Variants in TANGO2 observed in about 807,000 individuals in gnomAD.
The protein encoded by TANGO2 is transport and Golgi organization protein 2 homolog.
A neutral mutation model predicts 39.1 loss-of-function variants in TANGO2; 26 were observed. The ratio of observed to expected loss-of-function variants is 0.67; its 90% CI spans 0.49 to 0.92. The LOEUF (loss-of-function observed/expected upper bound fraction) is 0.92. Among genes scored for constraint, TANGO2 ranks in the 40% least tolerant of loss-of-function variants. TANGO2 has a pLI of 0.00. For synonymous variants in TANGO2, 131 were observed against 144.5 expected (o/e 0.91, Z 0.67); for missense variants, 326 against 360.1 (o/e 0.91, Z 0.77).
At position 20,064,612 on chromosome 22, in the gene TANGO2, G is replaced by C. The variant is rs568261903; in HGVS notation, c.781G>C (p.Asp261His). ...TFTERSMMDK[D>H]LSHWETRTYE... is the part of the protein sequence containing the mutation. ...CACTGAGCGTAGCATGATGGACAAGGACCTCTCCCACTGGGAGACCAGAAC... is the reference window on the plus strand; with the variant it reads ...CACTGAGCGTAGCATGATGGACAAGCACCTCTCCCACTGGGAGACCAGAAC... The change falls in exon 9 of 9, where the codon GAC (aspartate) becomes CAC (histidine). Residue 261 changes from aspartate (D) to histidine (H), a missense_variant. Physicochemically the swap from Asp to His is moderately conservative, Grantham distance 81. Coordinates refer to ENST00000327374, the MANE Select transcript of TANGO2 (RefSeq NM_152906.7). 33 of 1,614,172 alleles carry C rather than the reference G, an allele frequency of 2.0e-5. No homozygotes were observed. The South Asian group carries it at 3.6e-4, about 18-fold the overall frequency.
chr22:20,050,576 C>A (rs1016167411), intron 3 of TANGO2, among the ~76,000 whole-genome samples: 1 of 150,988 alleles, frequency 6.6e-6, no homozygotes, highest in Non-Finnish European at 1.5e-5. Flanking sequence ...ATTGGCCAGG[C>A]TGGTCTCGAA....
At chr22:20,046,341 C>A (rs566127805) in intron 3 of TANGO2, among the ~76,000 whole-genome samples, 1 of 151,918 alleles carries the variant, frequency 6.6e-6, no homozygotes, top group African/African-American at 2.4e-5. Flanking sequence ...AGCGACAAAG[C>A]CTTGCTGTGT....
chr22:20,040,555 T>C (rs923330603), intron 2 of TANGO2, among the ~76,000 whole-genome samples: 1 of 152,122 alleles, frequency 6.6e-6, no homozygotes, highest in Non-Finnish European at 1.5e-5. Context: ...ACCCCACCCA[T>C]AGGGTGGAGG....
At chr22:20,027,391 C>T (rs1460366084) in intron 1 of TANGO2, among the ~76,000 whole-genome samples, 2 of 152,184 alleles carry the variant, frequency 1.3e-5, no homozygotes, top group Non-Finnish European at 2.9e-5. Flanking sequence ...GACGAAGACA[C>T]CAGCCACAGC....
chr22:20,055,931 C>T lies in TANGO2; in HGVS notation c.381-12C>T. The T allele has an allele frequency of 6.2e-7, 1 of 1,611,856 alleles. No homozygotes were observed. The highest frequency in any genetic ancestry group is 8.5e-7 in the Non-Finnish European group (1 of 1,177,948). On this transcript the variant is annotated splice_polypyrimidine_tract_variant and intron_variant, in intron 5 of 8. Coordinates refer to ENST00000327374, the MANE Select transcript of TANGO2 (RefSeq NM_152906.7). ...TGGCTGTAGTCTGACATTCTCTCCC[C>T]TTGGCCTGCAGCACAGCAAAGGGAG...
At chr22:20,027,959 T>C (rs2041107006) in intron 1 of TANGO2, among the ~76,000 whole-genome samples, 1 of 152,062 alleles carries the variant, frequency 6.6e-6, no homozygotes, top group East Asian at 1.9e-4. Flanking sequence ...CTACCATGCC[T>C]GGCTAATTTT....
chr22:20,053,323 T>C, intron 4 of TANGO2, 114 bp from the exon 5 acceptor site: 1 of 691,432 alleles, frequency 1.4e-6, no homozygotes. Flanking sequence ...AGGCCAGGGC[T>C]CCAGTGGGAC....
At chr22:20,050,921 G>A (rs1167385302) in intron 3 of TANGO2, among the ~76,000 whole-genome samples, 5 of 146,282 alleles carry the variant, frequency 3.4e-5, no homozygotes, top group African/African-American at 1.3e-4. Context: ...TCCACCTCCC[G>A]GGTTCAAGCA....
intron 7 of TANGO2, among the ~76,000 whole-genome samples, chr22:20,062,645 G>A (rs1241306709): frequency 6.6e-6 from 1 of 152,272 alleles, no homozygotes; most frequent in Non-Finnish European, 1.5e-5. Context: ...TGCCCTCACT[G>A]ATGGCTGGAG....
intron 8 of TANGO2, 93 bp from the exon 9 acceptor site, chr22:20,064,449 C>A: frequency 6.5e-7 from 1 of 1,537,734 alleles, no homozygotes; most frequent in Non-Finnish European, 8.9e-7. Context: ...GTTCCTAACT[C>A]TACCTGCCTG....
At chr22:20,064,336 C>T (rs1326230433) in intron 8 of TANGO2, among the ~76,000 whole-genome samples, 5 of 152,226 alleles carry the variant, frequency 3.3e-5, no homozygotes, top group African/African-American at 1.2e-4. Flanking sequence ...CAAGTGTGGG[C>T]CTGTGGAGCC....
At chr22:20,052,686 G>T in intron 4 of TANGO2, 102 bp downstream of exon 4, 4 of 1,424,522 alleles carry the variant, frequency 2.8e-6, no homozygotes, top group Non-Finnish European at 3.8e-6. Flanking sequence ...CCAATGTATG[G>T]TGGAGTGGGG....
rs563119360 is a variant in TANGO2 at position 20,063,281 on chromosome 22, C to T, written c.606-57C>T. ...GCCACCAGGTGGGCTGGGGCTAGAC[C>T]CGGCTGCGGGCGGGCCACAGAGGGA... On this transcript the variant is annotated intron_variant, in intron 7 of 8. Transcript: ENST00000327374. 2.6e-6 allele frequency: 4 copies of T among 1,550,942 alleles called. No homozygotes were observed. The South Asian group carries it at 4.6e-5, about 18-fold the overall frequency.
At position 20,061,552 on chromosome 22, in the gene TANGO2, G is replaced by T; in HGVS notation, c.474G>T (p.Ala158=). ...CAGGCACCTACGGGCTGAGCAACGC[G>T]CTGCTGGAGACTCCCTGGAGGAAGC... ...LTPGTYGLSN[A]LLETPWRKLC... Residue 158 remains alanine, a synonymous_variant, in exon 7 of 9, where the codon GCG becomes GCT. Coordinates refer to ENST00000327374, the MANE Select transcript of TANGO2 (RefSeq NM_152906.7). The T allele has an allele frequency of 6.2e-7, 1 of 1,606,694 alleles. No homozygotes were observed. The highest frequency in any genetic ancestry group is 8.5e-7 in the Non-Finnish European group (1 of 1,177,178).
At chr22:20,063,494 C>CTAGCGTGGGAGGT in intron 8 of TANGO2, 52 bp downstream of exon 8, 2 of 1,504,058 alleles carry the variant, frequency 1.3e-6, no homozygotes, top group Non-Finnish European at 1.8e-6. Flanking sequence ...CCACCTCCCA[C>CTAGCGTGGGAGGT]GCTAGAGGGC....
chr22:20,051,914 A>T (rs765303077), intron 3 of TANGO2, among the ~76,000 whole-genome samples: 20 of 152,024 alleles, frequency 1.3e-4, no homozygotes, highest in Non-Finnish European at 2.2e-4. Flanking sequence ...TTTTGCCCCA[A>T]TCTTTGGGTA....
At chr22:20,032,371 C>T (rs534866399) in intron 1 of TANGO2, among the ~76,000 whole-genome samples, 67 of 152,376 alleles carry the variant, frequency 4.4e-4, no homozygotes, top group African/African-American at 1.5e-3. Flanking sequence ...AGGCGGGGTC[C>T]TGTGCAGGAT....
At chr22:20,064,148 C>A (rs1018200632) in intron 8 of TANGO2, among the ~76,000 whole-genome samples, 1 of 152,238 alleles carries the variant, frequency 6.6e-6, no homozygotes. Flanking sequence ...GAGGCCTGGG[C>A]CCCAAGTGGT....
In TANGO2 at chr22:20,066,019, C is replaced by G. The variant is rs1348807629; in HGVS notation, c.*1357C>G. 1 of 152,460 alleles carries G rather than the reference C, an allele frequency of 6.6e-6. No individual in the cohort carries two copies. The highest frequency in any genetic ancestry group is 1.9e-4 in the East Asian group (1 of 5,212). 9.4% of individuals were successfully genotyped at this position (152,460 alleles called of 1,614,324 possible). ...CCCTGGACGAGGCCCTTCCCACCTC[C>G]CCCTTTCCTCACGGCTTCTTCAGCA... On this transcript the variant is annotated 3_prime_UTR_variant, in exon 9 of 9. Coordinates refer to ENST00000327374, the MANE Select transcript of TANGO2 (RefSeq NM_152906.7).
Sources: allele counts gnomAD v4.1 joint callset (sites outside exome capture counted in the v4.1 genomes callset), GRCh38; gene constraint gnomAD v4.1.1; transcripts MANE v1.5; gene names NCBI Gene and HGNC (gene_info 2026-07-23, HGNC 2026-07-21).